Variants in CDC42BPB observed in about 807,000 individuals in gnomAD.
CDC42BPB encodes the protein serine/threonine-protein kinase MRCK beta.
In CDC42BPB, 37 loss-of-function variants were observed where a neutral mutation model predicts 214.9. That is an observed-to-expected ratio of 0.17 (90% confidence interval 0.13 to 0.23). The LOEUF is 0.23. Ranked by LOEUF, CDC42BPB falls within the 10% of genes least tolerant of loss-of-function variation. The pLI is 1.00. For synonymous variants in CDC42BPB, 931 were observed against 884.0 expected (o/e 1.05, Z -0.94); for missense variants, 1,694 against 2,227.0 (o/e 0.76, Z 4.82).
At chr14:102,974,999 G>A (rs1893672874) in intron 11 of CDC42BPB, among the ~76,000 whole-genome samples, 1 of 152,132 alleles carries the variant, frequency 6.6e-6, no homozygotes, top group Non-Finnish European at 1.5e-5. Flanking sequence ...AGGGAACTTT[G>A]ATAACCTAGG....
chr14:102,967,011 C>T (rs753029154), intron 17 of CDC42BPB, 35 bp downstream of exon 17: 36 of 1,602,590 alleles, frequency 2.2e-5, no homozygotes, highest in Admixed American at 1.2e-4. Flanking sequence ...GAGCAGGGAG[C>T]GGATTCACGG....
At chr14:103,038,494 A>G (rs1043086100) in intron 1 of CDC42BPB, among the ~76,000 whole-genome samples, 4 of 152,144 alleles carry the variant, frequency 2.6e-5, no homozygotes, top group East Asian at 1.9e-4. Flanking sequence ...GCTATACCCA[A>G]TCATGTGGAT....
Position 102,974,007 on chromosome 14 carries a change from G to A in CDC42BPB, c.1641+9C>T, listed in dbSNP as rs373275143. 103 of 1,594,504 alleles carry A rather than the reference G, an allele frequency of 6.5e-5. No homozygotes were observed. The highest frequency in any genetic ancestry group is 8.4e-5 in the Non-Finnish European group (99 of 1,172,056). ...GTAAGCCTTTCTCACCCCAAACTGA[G>A]CCACCTACCTTGTGCAGCTCCTCCT... On this transcript the variant is annotated intron_variant, in intron 12 of 36. Transcript: ENST00000361246.
chr14:102,994,991 C>T (rs1027905828), intron 5 of CDC42BPB, among the ~76,000 whole-genome samples: 1 of 152,206 alleles, frequency 6.6e-6, no homozygotes, highest in Non-Finnish European at 1.5e-5. Context: ...TTCTTTTTTT[C>T]CTTTTTGTCA....
chr14:103,029,710 T>A (rs1887250362), intron 1 of CDC42BPB, among the ~76,000 whole-genome samples: 3 of 149,778 alleles, frequency 2.0e-5, no homozygotes, highest in Admixed American at 6.7e-5. Context: ...CAAAAAAAAA[T>A]TAGCTGTGTG....
chr14:102,964,788 C>A (rs1893120406), intron 18 of CDC42BPB, 138 bp from the exon 19 acceptor site: 2 of 1,306,664 alleles, frequency 1.5e-6, no homozygotes, highest in Non-Finnish European at 1.9e-6. Context: ...TATGGAGGTG[C>A]CTCAGGAGTT....
intron 20 of CDC42BPB, 149 bp from the exon 21 acceptor site, chr14:102,959,859 A>C: frequency 1.6e-6 from 2 of 1,262,676 alleles, no homozygotes; most frequent in South Asian, 2.1e-5. Flanking sequence ...AAAAAAAAAA[A>C]AGGGGTCAGG....
intron 1 of CDC42BPB, among the ~76,000 whole-genome samples, chr14:103,047,879 G>A (rs1478478340): frequency 7.2e-6 from 1 of 139,604 alleles, no homozygotes; most frequent in Non-Finnish European, 1.5e-5. Flanking sequence ...CTCCAGCCTG[G>A]GCAACAGAGC....
chr14:102,935,186 G>A (rs1336596071), intron 36 of CDC42BPB, among the ~76,000 whole-genome samples: 2 of 152,106 alleles, frequency 1.3e-5, no homozygotes, highest in Non-Finnish European at 2.9e-5. Context: ...TCTCTTTGCA[G>A]ATGACATGAT....
In CDC42BPB at chr14:102,998,662, T is replaced by TA. The variant is rs574121272; in HGVS notation, c.596+902dup. Among the ~76,000 whole-genome samples the TA allele has an allele frequency of 8.5e-5, 13 of 152,254 alleles. No individual in the cohort carries two copies. In the East Asian group the frequency reaches 2.1e-3, roughly 25 times the overall value. ...CTGAGAGCAGGAGACGGAGCTGCTTTAGGCCTCTGCCCCACACGCTCTCTC... is the reference window on the plus strand; with the variant it reads ...CTGAGAGCAGGAGACGGAGCTGCTTTAAGGCCTCTGCCCCACACGCTCTCTC... On this transcript the variant is annotated intron_variant, in intron 5 of 36. Transcript: ENST00000361246.
At chr14:102,972,277 A>G in intron 12 of CDC42BPB, 116 bp from the exon 13 acceptor site, 1 of 1,532,502 alleles carries the variant, frequency 6.5e-7, no homozygotes, top group African/African-American at 1.4e-5. Context: ...CTGGTTACAG[A>G]TTAGAGCCAC....
Position 102,975,938 on chromosome 14 carries a change from C to T in CDC42BPB, c.1332G>A (p.Glu444=). Residue 444 remains glutamate (E), a synonymous_variant, in exon 10 of 37, where the codon GAG becomes GAA. Transcript: ENST00000361246. The part of the protein sequence containing the change: ...LEHSLQMEAY[E]RRIRRLEQEK... ...CCTGTTCCAGCCTCCGAATCCTCCTCTCGTAAGCTTCCATCTGCAGGCTGT... is the reference window on the plus strand; with the variant it reads ...CCTGTTCCAGCCTCCGAATCCTCCTTTCGTAAGCTTCCATCTGCAGGCTGT... The T allele has an allele frequency of 6.2e-7, 1 of 1,614,230 alleles. No homozygotes were observed. Among genetic ancestry groups the T allele is most frequent in the Non-Finnish European group, 8.5e-7 (1 of 1,180,044 alleles).
intron 5 of CDC42BPB, among the ~76,000 whole-genome samples, chr14:102,995,868 C>A (rs1212460612): frequency 6.6e-6 from 1 of 152,220 alleles, no homozygotes; most frequent in Non-Finnish European, 1.5e-5. Context: ...GTTCACAATG[C>A]CCCCACCTGA....
chr14:103,010,233 G>A (rs1886073622), intron 2 of CDC42BPB, among the ~76,000 whole-genome samples: 1 of 152,206 alleles, frequency 6.6e-6, no homozygotes, highest in South Asian at 2.1e-4. Context: ...GCTGCAGTGA[G>A]CTGTGATCAT....
intron 5 of CDC42BPB, among the ~76,000 whole-genome samples, chr14:102,987,913 G>C (rs192950818): frequency 6.6e-6 from 1 of 151,786 alleles, no homozygotes; most frequent in Admixed American, 6.6e-5. Context: ...GGCAGAGGCT[G>C]TAGTGAGCTG....
intron 14 of CDC42BPB, among the ~76,000 whole-genome samples, chr14:102,969,484 C>T (rs1190033004): frequency 1.3e-5 from 2 of 152,204 alleles, no homozygotes; most frequent in African/African-American, 4.8e-5. Flanking sequence ...GCACCACATG[C>T]CGAGGTCCAG....
At chr14:102,985,646 A>G (rs1388716210) in intron 6 of CDC42BPB, among the ~76,000 whole-genome samples, 4 of 152,240 alleles carry the variant, frequency 2.6e-5, no homozygotes, top group South Asian at 2.1e-4. Context: ...AGCCAGTCAC[A>G]TGGGTGCTTC....
In CDC42BPB at chr14:102,945,603, T is replaced by C. The variant is rs546301239; in HGVS notation, c.3811+59A>G. 6.8e-6 allele frequency: 10 copies of C among 1,475,028 alleles called. No homozygotes were observed. In the African/African-American group the frequency reaches 6.9e-5, roughly 10 times the overall value. The allele number at this position is 1,475,028 out of a possible 1,614,324, so 91.4% of individuals were successfully genotyped here. ...CTTAGGAGCTACTGACCCTGTGCTGTCTGCAGAGGCCAGGCTGGGCCTGTG... is the reference window on the plus strand; with the variant it reads ...CTTAGGAGCTACTGACCCTGTGCTGCCTGCAGAGGCCAGGCTGGGCCTGTG... On this transcript the variant is annotated intron_variant, in intron 29 of 36. Coordinates refer to ENST00000361246, the MANE Select transcript of CDC42BPB (RefSeq NM_006035.4).
Position 102,932,905 on chromosome 14 carries a change from G to A in CDC42BPB, c.*807C>T, listed in dbSNP as rs1438529180. The A allele has an allele frequency of 8.6e-6, 1 of 116,464 alleles. No individual in the cohort carries two copies. Among genetic ancestry groups the A allele is most frequent in the Non-Finnish European group, 1.6e-5 (1 of 60,788 alleles). The allele number at this position is 116,464 out of a possible 1,614,324, so 7.2% of individuals were successfully genotyped here. A position where few individuals can be genotyped will look rare whatever the true frequency, so the allele number is the denominator to read the frequency against. ...GGGGGGGCGGGCAGGGCGGGGCGGGGTGGGGTATCCCAGTGGCTGCTTCGT... is the reference window on the plus strand; with the variant it reads ...GGGGGGGCGGGCAGGGCGGGGCGGGATGGGGTATCCCAGTGGCTGCTTCGT... On this transcript the variant is annotated 3_prime_UTR_variant, in exon 37 of 37. Transcript: ENST00000361246.
Sources: gnomAD v4.1 joint callset for allele counts (sites outside exome capture counted in the v4.1 genomes callset) on GRCh38, gnomAD v4.1.1 for gene constraint, MANE v1.5 for transcripts, NCBI Gene and HGNC (gene_info 2026-07-23, HGNC 2026-07-21) for gene names.